REEP3: variants seen among roughly 807,000 people sequenced by gnomAD.
REEP3 encodes the protein receptor accessory protein 3, also known as receptor expression-enhancing protein 3.
Under a neutral mutation model 41.3 loss-of-function variants are expected in REEP3, and 20 were observed. The observed-to-expected ratio is 0.48, with a 90% CI of 0.34 to 0.70. REEP3 has a LOEUF of 0.70. Ranked by LOEUF, REEP3 falls within the 30% of genes least tolerant of loss-of-function variation. REEP3 has a pLI of 0.01. For missense variants in REEP3, 271 were observed against 308.8 expected (o/e 0.88, Z 0.92); for synonymous variants, 104 against 101.8 (o/e 1.02, Z -0.13).
chr10:63,589,785 C>CTTTTTTTTTTTTTTTT lies in REEP3; in HGVS notation c.106-4982_106-4967dup, dbSNP rs59658061. ...TAATGTACTAAGAACAGCAGAACAT[C>CTTTTTTTTTTTTTTTT]TTTTTTTTTTTTTTTTTTTTTTTTT... On this transcript the variant is annotated intron_variant, in intron 2 of 7. Coordinates refer to ENST00000373758, the MANE Select transcript of REEP3 (RefSeq NM_001001330.3). Among the ~76,000 whole-genome samples the CTTTTTTTTTTTTTTTT allele has an allele frequency of 2.2e-4, 18 of 80,832 alleles. 1 individual carries two copies. The highest frequency in any genetic ancestry group is 2.8e-4 in the African/African-American group (6 of 21,276). The allele number at this position is 80,832 out of a possible 152,430, so 53.0% of individuals were successfully genotyped here.
At chr10:63,527,139 T>C (rs1232906668) in intron 1 of REEP3, among the ~76,000 whole-genome samples, 1 of 152,180 alleles carries the variant, frequency 6.6e-6, no homozygotes, top group African/African-American at 2.4e-5. Flanking sequence ...TTCATTTATA[T>C]TGGGTGCTAT....
intron 1 of REEP3, among the ~76,000 whole-genome samples, chr10:63,553,523 G>A (rs1306069376): frequency 2.0e-5 from 3 of 152,106 alleles, no homozygotes; most frequent in Admixed American, 6.5e-5. Context: ...ATGCTCATTG[G>A]TGAAGTGCCT....
intron 2 of REEP3, among the ~76,000 whole-genome samples, chr10:63,576,740 A>G (rs1239499955): frequency 6.6e-6 from 1 of 152,206 alleles, no homozygotes; most frequent in Non-Finnish European, 1.5e-5. Context: ...AGTTGCTGCC[A>G]GGGTTGGTTT....
At chr10:63,614,207 T>C (rs1393441981) in intron 6 of REEP3, among the ~76,000 whole-genome samples, 1 of 152,208 alleles carries the variant, frequency 6.6e-6, no homozygotes, top group South Asian at 2.1e-4. Context: ...ATAATTTTCG[T>C]TTGCCAGATT....
chr10:63,553,152 G>A (rs1352348490), intron 1 of REEP3, among the ~76,000 whole-genome samples: 1 of 152,180 alleles, frequency 6.6e-6, no homozygotes, highest in Non-Finnish European at 1.5e-5. Flanking sequence ...CAGTAAACAG[G>A]CAGTGTGGCT....
chr10:63,587,432 C>T (rs1282682450), intron 2 of REEP3, among the ~76,000 whole-genome samples: 1 of 152,236 alleles, frequency 6.6e-6, no homozygotes, highest in Admixed American at 6.5e-5. Flanking sequence ...AATTCTGGAA[C>T]CACTGCTGCT....
At chr10:63,599,372 G>C (rs1057130022) in intron 5 of REEP3, 89 bp downstream of exon 5, 1 of 523,878 alleles carries the variant, frequency 1.9e-6, no homozygotes, top group Non-Finnish European at 3.2e-6. Flanking sequence ...TAAAATTGTG[G>C]CATTTTGCTA....
rs55785303 is a variant in REEP3 at position 63,568,468 on chromosome 10, C to T, written c.105+2058C>T. ...ATTTTTAATACAGATGGGGTTTCAC[C>T]GTATTAGCCAGGACGGTCTCGATCT... is the stretch of plus-strand genomic sequence containing the variant. On this transcript the variant is annotated intron_variant, in intron 2 of 7. Coordinates refer to ENST00000373758, the MANE Select transcript of REEP3 (RefSeq NM_001001330.3). 6.3e-3 allele frequency among the ~76,000 whole-genome samples: 954 copies of T among 151,824 alleles called. 3 individuals carry two copies. Among genetic ancestry groups the T allele is most frequent in the Admixed American group, 0.011 (170 of 15,232 alleles).
intron 2 of REEP3, among the ~76,000 whole-genome samples, chr10:63,588,755 GA>G (rs1956030821): frequency 2.6e-5 from 4 of 152,294 alleles, no homozygotes; most frequent in African/African-American, 9.6e-5. Flanking sequence ...ATGCTAAAGA[GA>G]AAAATAAAGC....
intron 1 of REEP3, among the ~76,000 whole-genome samples, chr10:63,540,262 T>C (rs1955516835): frequency 6.6e-6 from 1 of 152,244 alleles, no homozygotes; most frequent in South Asian, 2.1e-4. Context: ...AAATGCAATT[T>C]ATATTTCCAG....
chr10:63,568,916 G>A lies in REEP3; in HGVS notation c.105+2506G>A, dbSNP rs142028111. ...GGCCTCAGGTTATCCACCTACTTCA[G>A]CCTCTCAAAGTACTGGGATTATAGG... is the stretch of plus-strand genomic sequence containing the variant. On this transcript the variant is annotated intron_variant, in intron 2 of 7. Transcript: ENST00000373758. Among the ~76,000 whole-genome samples, 1,040 of 152,070 alleles carry A rather than the reference G, an allele frequency of 6.8e-3. 6 individuals carry two copies. The highest frequency in any genetic ancestry group is 0.014 in the South Asian group (69 of 4,822).
intron 1 of REEP3, among the ~76,000 whole-genome samples, chr10:63,559,571 T>A (rs1289810869): frequency 6.6e-6 from 1 of 152,212 alleles, no homozygotes; most frequent in Non-Finnish European, 1.5e-5. Flanking sequence ...GTAGAGATTT[T>A]AAGTGTGAAT....
chr10:63,560,425 A>G (rs1166713490), intron 1 of REEP3, among the ~76,000 whole-genome samples: 1 of 152,214 alleles, frequency 6.6e-6, no homozygotes, highest in Non-Finnish European at 1.5e-5. Flanking sequence ...ATATCTGTCT[A>G]GAAAATAGCT....
At chr10:63,588,664 G>A (rs1046145752) in intron 2 of REEP3, among the ~76,000 whole-genome samples, 3 of 152,114 alleles carry the variant, frequency 2.0e-5, no homozygotes, top group African/African-American at 7.2e-5. Flanking sequence ...TTGTCATCAT[G>A]GGGTTTACAT....
intron 1 of REEP3, among the ~76,000 whole-genome samples, chr10:63,553,001 G>A (rs753941208): frequency 3.9e-5 from 6 of 152,226 alleles, no homozygotes; most frequent in Non-Finnish European, 5.9e-5. Flanking sequence ...AAGAGAACAT[G>A]GAGAATACTC....
chr10:63,530,928 A>G (rs1955415528), intron 1 of REEP3, among the ~76,000 whole-genome samples: 1 of 152,236 alleles, frequency 6.6e-6, no homozygotes, highest in Admixed American at 6.5e-5. Flanking sequence ...TAATCCTTTC[A>G]TACAACTTTT....
At chr10:63,584,989 C>T (rs906441063) in intron 2 of REEP3, among the ~76,000 whole-genome samples, 2 of 151,676 alleles carry the variant, frequency 1.3e-5, no homozygotes, top group Non-Finnish European at 2.9e-5. Flanking sequence ...TTCATTTTTT[C>T]TTAAAGACCA....
rs149978633 is a variant in REEP3, at chr10:63,546,580, T to C, written c.33-19758T>C. On this transcript the variant is annotated intron_variant, in intron 1 of 7. Coordinates refer to ENST00000373758, the MANE Select transcript of REEP3 (RefSeq NM_001001330.3). ...AAAATACTGGGATGCCGTATAGATA[T>C]TAGTAGTGGAATAAGTTACTTATAT... Among the ~76,000 whole-genome samples the C allele has an allele frequency of 3.8e-4, 58 of 152,330 alleles. 1 individual carries two copies. Among genetic ancestry groups the C allele is most frequent in the Non-Finnish European group, 5.9e-5 (4 of 68,014 alleles).
chr10:63,596,612 A>G (rs1564488173), intron 3 of REEP3, among the ~76,000 whole-genome samples: 1 of 152,186 alleles, frequency 6.6e-6, no homozygotes, highest in African/African-American at 2.4e-5. Context: ...CTCACAGACA[A>G]CAAGATACTG....
Sources: gnomAD v4.1 joint callset for allele counts (sites outside exome capture counted in the v4.1 genomes callset) on GRCh38, gnomAD v4.1.1 for gene constraint, MANE v1.5 for transcripts, NCBI Gene and HGNC (gene_info 2026-07-23, HGNC 2026-07-21) for gene names.